The following PDE3A variants were observed in gnomAD, a reference collection of about 807,000 sequenced individuals.
PDE3A encodes the protein cGMP-inhibited 3',5'-cyclic phosphodiesterase 3A.
A neutral mutation model predicts 98.3 loss-of-function variants in PDE3A; 43 were observed. The ratio of observed to expected loss-of-function variants is 0.44; its 90% CI spans 0.34 to 0.56. The LOEUF is 0.56. Ranked by LOEUF, PDE3A falls within the 20% of genes least tolerant of loss-of-function variation. The pLI, the probability that PDE3A is intolerant of heterozygous loss-of-function variation, is 0.01. For synonymous variants in PDE3A, 663 were observed against 567.9 expected (o/e 1.17, Z -2.38); for missense variants, 1,427 against 1,440.7 (o/e 0.99, Z 0.15).
In PDE3A at chr12:20,646,834, C is replaced by T; in HGVS notation, c.2449C>T (p.Leu817=). The change falls in exon 12 of 16, where the codon CTG becomes TTG. Residue 817 remains leucine, a synonymous_variant. Coordinates refer to ENST00000359062, the MANE Select transcript of PDE3A (RefSeq NM_000921.5). Reference sequence around the variant, plus strand: ...TGTGACAGATGATAAATACGGATGTCTGTCTGGGAATATCCCTGCCTTGGA... The same window carrying T: ...TGTGACAGATGATAAATACGGATGTTTGTCTGGGAATATCCCTGCCTTGGA... The part of the protein sequence containing the change: ...YNVTDDKYGC[L]SGNIPALELM... The T allele has an allele frequency of 6.2e-7, 1 of 1,611,752 alleles. No individual in the cohort carries two copies. Among genetic ancestry groups the T allele is most frequent in the Non-Finnish European group, 8.5e-7 (1 of 1,177,914 alleles).
rs137952880 is a variant in PDE3A, at chr12:20,666,015, G to A, written c.3184+11810G>A. On this transcript the variant is annotated intron_variant, in intron 15 of 15. Transcript: ENST00000359062. ...GTCTCAGTCTGTCACCCAGTCTGGAGGGCAGTGGCACATTCTCAGCTCACT... is the reference window on the plus strand; with the variant it reads ...GTCTCAGTCTGTCACCCAGTCTGGAAGGCAGTGGCACATTCTCAGCTCACT... 1.2e-3 allele frequency among the ~76,000 whole-genome samples: 169 copies of A among 145,948 alleles called. 1 individual carries two copies. Among genetic ancestry groups the A allele is most frequent in the African/African-American group, 4.2e-3 (164 of 39,206 alleles).
At chr12:20,485,968 C>T (rs1158880830) in intron 1 of PDE3A, among the ~76,000 whole-genome samples, 1 of 152,142 alleles carries the variant, frequency 6.6e-6, no homozygotes, top group African/African-American at 2.4e-5. Context: ...TATTTGGATG[C>T]CACGGCTTGA....
chr12:20,528,754 G>A (rs993959010), intron 1 of PDE3A, among the ~76,000 whole-genome samples: 1 of 151,970 alleles, frequency 6.6e-6, no homozygotes, highest in African/African-American at 2.4e-5. Flanking sequence ...CAGACGCTAG[G>A]GGTATAACAT....
intron 1 of PDE3A, among the ~76,000 whole-genome samples, 176 bp from the exon 2 acceptor site, chr12:20,556,484 A>G (rs1011307655): frequency 2.0e-4 from 30 of 152,312 alleles, no homozygotes; most frequent in South Asian, 2.1e-4. Flanking sequence ...AAGTTGAAAT[A>G]TTAGCTATCA....
At chr12:20,473,527 A>G (rs1158418456) in intron 1 of PDE3A, among the ~76,000 whole-genome samples, 3 of 152,134 alleles carry the variant, frequency 2.0e-5, no homozygotes, top group Non-Finnish European at 2.9e-5. Context: ...CTGCTTTCAG[A>G]GTGTTCTACT....
At position 20,435,450 on chromosome 12, in the gene PDE3A, G is replaced by C. The variant is rs1300823787; in HGVS notation, c.960+65206G>C. ...ACCTGGAACAACCCCATATTCCACTGATATTCTTTTTTTTTCCTGGTTATA... is the reference window on the plus strand; with the variant it reads ...ACCTGGAACAACCCCATATTCCACTCATATTCTTTTTTTTTCCTGGTTATA... On this transcript the variant is annotated intron_variant, in intron 1 of 15. Transcript: ENST00000359062. Among the ~76,000 whole-genome samples, 5 of 152,026 alleles carry C rather than the reference G, an allele frequency of 3.3e-5. No homozygotes were observed. In the East Asian group the frequency reaches 9.6e-4, roughly 29 times the overall value.
At chr12:20,624,540 A>G (rs1439578573) in intron 5 of PDE3A, among the ~76,000 whole-genome samples, 1 of 152,200 alleles carries the variant, frequency 6.6e-6, no homozygotes, top group Non-Finnish European at 1.5e-5. Flanking sequence ...CAGGCATAGC[A>G]AGAGCCCCCT....
intron 2 of PDE3A, among the ~76,000 whole-genome samples, chr12:20,578,041 C>T (rs2121332680): frequency 6.6e-6 from 1 of 152,144 alleles, no homozygotes; most frequent in South Asian, 2.1e-4. Context: ...CAGGGAGAAA[C>T]TGGATAGGTT....
At chr12:20,502,222 GA>G (rs1946037680) in intron 1 of PDE3A, among the ~76,000 whole-genome samples, 2 of 152,056 alleles carry the variant, frequency 1.3e-5, no homozygotes, top group African/African-American at 2.4e-5. Context: ...GCAGGTCTAG[GA>G]AAGAGTAAGG....
chr12:20,497,866 GTT>G (rs1945948284), intron 1 of PDE3A, among the ~76,000 whole-genome samples: 1 of 152,068 alleles, frequency 6.6e-6, no homozygotes, highest in African/African-American at 2.4e-5. Flanking sequence ...GTTCAATTGT[GTT>G]AGTATACTTT....
chr12:20,485,748 A>G (rs910363225), intron 1 of PDE3A, among the ~76,000 whole-genome samples: 6 of 152,182 alleles, frequency 3.9e-5, no homozygotes, highest in African/African-American at 1.2e-4. Flanking sequence ...ATTTACTTAT[A>G]TACTTAATTT....
At chr12:20,498,097 C>G (rs1042180199) in intron 1 of PDE3A, among the ~76,000 whole-genome samples, 1 of 152,104 alleles carries the variant, frequency 6.6e-6, no homozygotes, top group Non-Finnish European at 1.5e-5. Context: ...CAAACTATAT[C>G]CTATCATTTT....
chr12:20,369,202 TGTGTGTGTGC>T lies in PDE3A; in HGVS notation c.-81_-72del. The T allele has an allele frequency of 2.3e-6, 2 of 852,662 alleles. No individual in the cohort carries two copies. The highest frequency in any genetic ancestry group is 3.6e-6 in the Non-Finnish European group (2 of 561,090). The allele number at this position is 852,662 out of a possible 1,614,324, so 52.8% of individuals were successfully genotyped here. ...AAGAGCGTGCGTGCGTGTGTGTGTG[TGTGTGTGTGC>T]GCGCGCGCGCGTGGGTCGGGGCGGG... is the stretch of plus-strand genomic sequence containing the variant. On this transcript the variant is annotated 5_prime_UTR_variant, in exon 1 of 16. Transcript: ENST00000359062.
At chr12:20,564,439 T>TATC (rs1229336111) in intron 2 of PDE3A, among the ~76,000 whole-genome samples, 4 of 152,178 alleles carry the variant, frequency 2.6e-5, no homozygotes, top group African/African-American at 9.6e-5. Flanking sequence ...TCTTTAAGTC[T>TATC]ATCGAATAGA....
Position 20,688,514 on chromosome 12 carries a change from T to G in PDE3A, c.*8243T>G, listed in dbSNP as rs1490310064. Among the ~76,000 whole-genome samples, 4 of 151,772 alleles carry G rather than the reference T, an allele frequency of 2.6e-5. No individual in the cohort carries two copies. Among genetic ancestry groups the G allele is most frequent in the African/African-American group, 9.7e-5 (4 of 41,380 alleles). ...AATATATACTCAAAATTATTAAAATTATGTCCTAGATTATCTATGTCGATG... is the reference window on the plus strand; with the variant it reads ...AATATATACTCAAAATTATTAAAATGATGTCCTAGATTATCTATGTCGATG... On this transcript the variant is annotated 3_prime_UTR_variant, in exon 16 of 16. Transcript: ENST00000359062.
chr12:20,653,839 C>A, intron 14 of PDE3A, 108 bp from the exon 15 acceptor site: 5 of 1,131,204 alleles, frequency 4.4e-6, no homozygotes, highest in Non-Finnish European at 6.4e-6. Flanking sequence ...GAGGTAGGAT[C>A]CTTTAGCTGT....
rs1945791528 is a variant in PDE3A, at chr12:20,681,739, T to G, written c.*1468T>G. 1 of 152,058 alleles carries G rather than the reference T, an allele frequency of 6.6e-6. No homozygotes were observed. Among genetic ancestry groups the G allele is most frequent in the Admixed American group, 6.6e-5 (1 of 15,260 alleles). 9.4% of individuals were successfully genotyped at this position (152,058 alleles called of 1,614,324 possible). On this transcript the variant is annotated 3_prime_UTR_variant, in exon 16 of 16. Coordinates refer to ENST00000359062, the MANE Select transcript of PDE3A (RefSeq NM_000921.5). The stretch of plus-strand genomic sequence containing the variant: ...AAAGTCTTTTTTTTTGTTTGTTTTG[T>G]TTTGGTTTGTTTGTTTATCTACACT...
intron 1 of PDE3A, among the ~76,000 whole-genome samples, chr12:20,489,406 C>T (rs545657726): frequency 6.6e-6 from 1 of 152,248 alleles, no homozygotes. Flanking sequence ...TGACAGCCTT[C>T]TTTATGCCAG....
intron 15 of PDE3A, among the ~76,000 whole-genome samples, chr12:20,654,797 C>T (rs1229234523): frequency 6.6e-6 from 1 of 151,662 alleles, no homozygotes; most frequent in African/African-American, 2.4e-5. Flanking sequence ...CAGGCGTGAG[C>T]CACCGCGCCC....
Sources: allele counts gnomAD v4.1 joint callset (sites outside exome capture counted in the v4.1 genomes callset), GRCh38; gene constraint gnomAD v4.1.1; transcripts MANE v1.5; gene names NCBI Gene and HGNC (gene_info 2026-07-23, HGNC 2026-07-21).